HFM1: variants seen among roughly 807,000 people sequenced by gnomAD.
HFM1 encodes the protein probable ATP-dependent DNA helicase HFM1.
Under a neutral mutation model 192.1 loss-of-function variants are expected in HFM1, and 169 were observed. The observed-to-expected ratio is 0.88, with a 90% CI of 0.78 to 1.00. The LOEUF is 1.00. Ranked by LOEUF, HFM1 falls within the 50% of genes least tolerant of loss-of-function variation. The probability of loss-of-function intolerance (pLI) is 0.00; values close to 1 mark genes in which losing one functional copy is unlikely to be tolerated. For missense variants in HFM1, 1,661 were observed against 1,668.0 expected (o/e 1.00, Z 0.07); for synonymous variants, 525 against 537.8 (o/e 0.98, Z 0.33).
intron 19 of HFM1, among the ~76,000 whole-genome samples, chr1:91,344,224 T>C (rs1655795602): frequency 6.6e-6 from 1 of 152,212 alleles, no homozygotes; most frequent in East Asian, 1.9e-4. Flanking sequence ...TGCCTCATGC[T>C]ATAGTCCAGG....
intron 19 of HFM1, 42 bp downstream of exon 19, chr1:91,347,387 A>T: frequency 8.3e-7 from 1 of 1,200,880 alleles, no homozygotes; most frequent in Non-Finnish European, 1.2e-6. Context: ...CTTTTTCACT[A>T]AAATATATAG....
intron 30 of HFM1, among the ~76,000 whole-genome samples, chr1:91,312,532 T>C (rs1650620489): frequency 6.6e-6 from 1 of 152,128 alleles, no homozygotes; most frequent in Non-Finnish European, 1.5e-5. Context: ...ATTTCTCCCA[T>C]TTGGAATGAC....
chr1:91,389,580 ATAACTAGG>A (rs1210520288), intron 4 of HFM1, among the ~76,000 whole-genome samples: 5 of 152,216 alleles, frequency 3.3e-5, no homozygotes, highest in Non-Finnish European at 1.5e-5. Flanking sequence ...ATGGGAGAAC[ATAACTAGG>A]AAGAGGGTCG....
chr1:91,363,031 A>G (rs1658730363), intron 13 of HFM1, among the ~76,000 whole-genome samples: 1 of 152,192 alleles, frequency 6.6e-6, no homozygotes, highest in South Asian at 2.1e-4. Flanking sequence ...TTAACTCAAG[A>G]TGGATTACAG....
chr1:91,331,310 G>T (rs1234653841), intron 20 of HFM1, among the ~76,000 whole-genome samples: 3 of 152,122 alleles, frequency 2.0e-5, no homozygotes. Flanking sequence ...AAAATCAGTA[G>T]CATTCCTATA....
At chr1:91,281,200 A>G (rs1441858450) in intron 30 of HFM1, among the ~76,000 whole-genome samples, 1 of 152,366 alleles carries the variant, frequency 6.6e-6, no homozygotes, top group East Asian at 1.9e-4. Context: ...AGAGTTACAG[A>G]GAATAGACTG....
At chr1:91,263,319 T>C (rs1433838958) in intron 36 of HFM1, among the ~76,000 whole-genome samples, 1 of 152,140 alleles carries the variant, frequency 6.6e-6, no homozygotes, top group Non-Finnish European at 1.5e-5. Flanking sequence ...GTAACAGCCA[T>C]GTAAGGAGCA....
chr1:91,405,866 T>C (rs1664779450), upstream of HFM1, among the ~76,000 whole-genome samples: 1 of 152,232 alleles, frequency 6.6e-6, no homozygotes, highest in Admixed American at 6.5e-5. Context: ...CTATTCTTAA[T>C]AGAAAGGTTG....
At chr1:91,311,641 T>C (rs1369732559) in intron 30 of HFM1, among the ~76,000 whole-genome samples, 1 of 147,478 alleles carries the variant, frequency 6.8e-6, no homozygotes, top group Non-Finnish European at 1.5e-5. Context: ...AAAAAAAAAG[T>C]TCAGAAAATT....
intron 35 of HFM1, among the ~76,000 whole-genome samples, chr1:91,267,239 G>A (rs1665852833): frequency 6.6e-6 from 1 of 152,088 alleles, no homozygotes; most frequent in Non-Finnish European, 1.5e-5. Flanking sequence ...TCTAGTACAG[G>A]AGAAACTAAT....
chr1:91,300,877 G>A (rs1170841784), intron 30 of HFM1, among the ~76,000 whole-genome samples: 1 of 152,140 alleles, frequency 6.6e-6, no homozygotes, highest in Non-Finnish European at 1.5e-5. Flanking sequence ...ACTGGCACAA[G>A]ACAAGGATGC....
chr1:91,404,250 A>C (rs1378273197), intron 1 of HFM1, among the ~76,000 whole-genome samples: 1 of 152,172 alleles, frequency 6.6e-6, no homozygotes, highest in Non-Finnish European at 1.5e-5. Flanking sequence ...TCAGCACCTA[A>C]AGCAAAATAA....
intron 1 of HFM1, among the ~76,000 whole-genome samples, chr1:91,401,703 G>C (rs1664324952): frequency 1.3e-5 from 2 of 151,938 alleles, no homozygotes; most frequent in Admixed American, 1.3e-4. Context: ...TCATAGGTTT[G>C]AACTTTTTCA....
At chr1:91,331,323 C>T (rs1258282498) in intron 20 of HFM1, among the ~76,000 whole-genome samples, 1 of 152,042 alleles carries the variant, frequency 6.6e-6, no homozygotes, top group African/African-American at 2.4e-5. Flanking sequence ...TTCCTATATG[C>T]CAACAGTGAA....
intron 30 of HFM1, among the ~76,000 whole-genome samples, chr1:91,281,075 G>A (rs1485860068): frequency 6.6e-6 from 1 of 152,144 alleles, no homozygotes; most frequent in East Asian, 1.9e-4. Context: ...TGTGAAAAAC[G>A]TCACCATATA....
intron 13 of HFM1, among the ~76,000 whole-genome samples, chr1:91,370,769 G>A (rs940647096): frequency 9.2e-5 from 14 of 151,482 alleles, no homozygotes; most frequent in East Asian, 1.9e-4. Context: ...AGAAATAAAG[G>A]GTATTCAATT....
At chr1:91,307,787 A>T (rs1649857560) in intron 30 of HFM1, among the ~76,000 whole-genome samples, 1 of 152,072 alleles carries the variant, frequency 6.6e-6, no homozygotes. Context: ...TGATAAATAT[A>T]CTAGTAGTGA....
chr1:91,295,752 G>A (rs942271323), intron 30 of HFM1, among the ~76,000 whole-genome samples: 1 of 151,908 alleles, frequency 6.6e-6, no homozygotes, highest in African/African-American at 2.4e-5. Context: ...AATTCATTAT[G>A]TTTTTATGGT....
chr1:91,317,210 T>A (rs1651377088), intron 25 of HFM1, among the ~76,000 whole-genome samples: 1 of 151,958 alleles, frequency 6.6e-6, no homozygotes, highest in Admixed American at 6.6e-5. Context: ...AGGTCGGGAG[T>A]TCGAGACCAA....
Sources: gnomAD v4.1 joint callset for allele counts (sites outside exome capture counted in the v4.1 genomes callset) on GRCh38, gnomAD v4.1.1 for gene constraint, MANE v1.5 for transcripts, NCBI Gene and HGNC (gene_info 2026-07-23, HGNC 2026-07-21) for gene names.